GALNT10: variants seen among roughly 807,000 people sequenced by gnomAD.
GALNT10 encodes GalNAc transferase 10.
Under a neutral mutation model 75.0 loss-of-function variants are expected in GALNT10, and 41 were observed. That is an observed-to-expected ratio of 0.55 (90% CI 0.43 to 0.71). GALNT10 has a LOEUF of 0.71. Ranked by LOEUF, GALNT10 falls within the 30% of genes least tolerant of loss-of-function variation. The pLI is 0.00. For missense variants in GALNT10, 727 were observed against 818.5 expected (o/e 0.89, Z 1.36); for synonymous variants, 302 against 313.0 (o/e 0.96, Z 0.37).
chr5:154,295,466 A>G (rs1754259509), intron 2 of GALNT10, among the ~76,000 whole-genome samples: 1 of 152,084 alleles, frequency 6.6e-6, no homozygotes, highest in African/African-American at 2.4e-5. Flanking sequence ...TGGAATTTGA[A>G]CCCAGGTCTG....
intron 1 of GALNT10, among the ~76,000 whole-genome samples, chr5:154,283,732 C>G (rs1047955227): frequency 6.6e-6 from 1 of 152,172 alleles, no homozygotes; most frequent in East Asian, 1.9e-4. Flanking sequence ...TCCCCATGCC[C>G]CTACCCCTCT....
intron 1 of GALNT10, among the ~76,000 whole-genome samples, chr5:154,202,589 C>T (rs147918895): frequency 1.0e-3 from 156 of 152,306 alleles, no homozygotes; most frequent in Non-Finnish European, 1.9e-3. Context: ...GGGACTCAAA[C>T]TCAGATTTCT....
At chr5:154,327,163 C>T (rs570737394) in intron 3 of GALNT10, among the ~76,000 whole-genome samples, 49 of 151,956 alleles carry the variant, frequency 3.2e-4, no homozygotes, top group African/African-American at 1.2e-3. Context: ...TTGCATTGAG[C>T]CGAGATTGTG....
intron 1 of GALNT10, among the ~76,000 whole-genome samples, chr5:154,232,308 G>A (rs932675610): frequency 1.3e-5 from 2 of 152,128 alleles, no homozygotes; most frequent in Non-Finnish European, 2.9e-5. Flanking sequence ...TATTATATGT[G>A]CTTTGGTTAT....
chr5:154,225,489 C>G (rs897351836), intron 1 of GALNT10, among the ~76,000 whole-genome samples: 10 of 151,850 alleles, frequency 6.6e-5, no homozygotes, highest in African/African-American at 2.4e-4. Flanking sequence ...CTCCTGGGCT[C>G]AAGTAGTCCT....
At chr5:154,378,912 G>T (rs1582000177) in intron 5 of GALNT10, among the ~76,000 whole-genome samples, 1 of 151,552 alleles carries the variant, frequency 6.6e-6, no homozygotes, top group African/African-American at 2.4e-5. Flanking sequence ...TTAAATGGGA[G>T]GCCCTACTCT....
intron 1 of GALNT10, among the ~76,000 whole-genome samples, chr5:154,237,447 A>T (rs949992672): frequency 6.6e-6 from 1 of 152,200 alleles, no homozygotes; most frequent in Admixed American, 6.5e-5. Context: ...TACCATCTCC[A>T]TCACTGTAAT....
intron 1 of GALNT10, among the ~76,000 whole-genome samples, chr5:154,200,465 C>T (rs1371801187): frequency 6.6e-6 from 1 of 152,152 alleles, no homozygotes; most frequent in African/African-American, 2.4e-5. Flanking sequence ...GTGAAAATTA[C>T]GTCCTGCTGC....
chr5:154,268,986 G>C (rs538198738), intron 1 of GALNT10, among the ~76,000 whole-genome samples: 1 of 129,336 alleles, frequency 7.7e-6, no homozygotes, highest in East Asian at 2.2e-4. Flanking sequence ...TTAAAAAATA[G>C]AGTTTATTTT....
At chr5:154,234,850 A>G (rs1753220603) in intron 1 of GALNT10, among the ~76,000 whole-genome samples, 1 of 152,236 alleles carries the variant, frequency 6.6e-6, no homozygotes, top group Non-Finnish European at 1.5e-5. Context: ...GAGATGTTCA[A>G]GATGAGACTG....
At position 154,271,286 on chromosome 5, in the gene GALNT10, A is replaced by T. The variant is rs145656190; in HGVS notation, c.160-23530A>T. On this transcript the variant is annotated intron_variant, in intron 1 of 11. Transcript: ENST00000297107. The stretch of plus-strand genomic sequence containing the variant: ...GTTCGAGACCAGCCTGACCAATATG[A>T]TAAAACCCCGTCTCTGCTAAGAATA... 9.9e-4 allele frequency among the ~76,000 whole-genome samples: 150 copies of T among 151,980 alleles called. 1 individual carries two copies. The highest frequency in any genetic ancestry group is 3.3e-3 in the African/African-American group (138 of 41,478).
At chr5:154,236,055 TG>T (rs1753241230) in intron 1 of GALNT10, among the ~76,000 whole-genome samples, 1 of 152,204 alleles carries the variant, frequency 6.6e-6, no homozygotes, top group African/African-American at 2.4e-5. Context: ...TGCTTAGGTC[TG>T]GGGAGCCCTT....
intron 1 of GALNT10, among the ~76,000 whole-genome samples, chr5:154,256,181 A>G (rs1753606057): frequency 6.6e-6 from 1 of 152,112 alleles, no homozygotes. Context: ...GATGAGTTGG[A>G]GAACATGCCC....
chr5:154,386,735 G>A, intron 7 of GALNT10: 2 of 542,126 alleles, frequency 3.7e-6, no homozygotes, highest in East Asian at 3.3e-5. Context: ...TCAGATGGCA[G>A]GTCTGAGATT....
Position 154,409,593 on chromosome 5 carries a change from A to ACCAGCGCCGGCCTGAATACCGC in GALNT10, c.1219_1240dup (p.His414ProfsTer5). ...ATGGATGAGTACGCAGAGTACATTTACCAGCGCCGGCCTGAATACCGCCAC... is the reference window on the plus strand; with the variant it reads ...ATGGATGAGTACGCAGAGTACATTTACCAGCGCCGGCCTGAATACCGCCCAGCGCCGGCCTGAATACCGCCAC... On this transcript the variant is annotated frameshift_variant, in exon 9 of 12. Coordinates refer to ENST00000297107, the MANE Select transcript of GALNT10 (RefSeq NM_198321.4). LOFTEE classifies it high-confidence loss of function. The surrounding 1 kb of genome is among the most constrained non-coding windows in gnomAD (Gnocchi z 4.5). 1 of 1,614,060 alleles carries ACCAGCGCCGGCCTGAATACCGC rather than the reference A, an allele frequency of 6.2e-7. No individual in the cohort carries two copies. The highest frequency in any genetic ancestry group is 8.5e-7 in the Non-Finnish European group (1 of 1,179,932).
At chr5:154,358,762 C>T (rs1441858377) in intron 4 of GALNT10, among the ~76,000 whole-genome samples, 4 of 152,236 alleles carry the variant, frequency 2.6e-5, no homozygotes, top group Non-Finnish European at 4.4e-5. Flanking sequence ...TCAACAGACA[C>T]GACGCTGAGG....
chr5:154,259,360 A>C (rs1753664381), intron 1 of GALNT10, among the ~76,000 whole-genome samples: 1 of 152,184 alleles, frequency 6.6e-6, no homozygotes, highest in Non-Finnish European at 1.5e-5. Flanking sequence ...TTCTCCTTGC[A>C]TCATATCAGG....
At chr5:154,191,484 C>T (rs989080435) in intron 1 of GALNT10, among the ~76,000 whole-genome samples, 1 of 131,120 alleles carries the variant, frequency 7.6e-6, no homozygotes, top group African/African-American at 2.8e-5. Flanking sequence ...GTTCTTTGCT[C>T]AGGTCAGCCC....
intron 1 of GALNT10, among the ~76,000 whole-genome samples, chr5:154,211,868 C>T (rs563684531): frequency 4.6e-5 from 7 of 152,206 alleles, no homozygotes; most frequent in East Asian, 3.9e-4. Context: ...ATCCAAGAGA[C>T]GGGGAGAGAG....
Sources: gnomAD v4.1 joint callset for allele counts (sites outside exome capture counted in the v4.1 genomes callset) on GRCh38, gnomAD v4.1.1 for gene constraint, Gnocchi (gnomAD v3.1) non-coding constraint, MANE v1.5 for transcripts, NCBI Gene and HGNC (gene_info 2026-07-23, HGNC 2026-07-21) for gene names.